CCDC144A: variants seen among roughly 807,000 people sequenced by gnomAD.
The protein encoded by CCDC144A is coiled-coil domain containing 144A, also known as coiled-coil domain-containing protein 144A.
A neutral mutation model predicts 143.8 loss-of-function variants in CCDC144A; 41 were observed. The ratio of observed to expected loss-of-function variants is 0.29; its 90% confidence interval spans 0.22 to 0.37. The LOEUF (loss-of-function observed/expected upper bound fraction) is 0.37. CCDC144A is among the 10% of genes least tolerant of loss of function. CCDC144A has a pLI of 1.00. For synonymous variants in CCDC144A, 242 were observed against 517.9 expected (o/e 0.47, Z 7.23); for missense variants, 637 against 1,488.8 (o/e 0.43, Z 9.41).
chr17:16,690,711 A>G lies in CCDC144A; in HGVS notation c.311A>G (p.Asp104Gly). The G allele has an allele frequency of 6.2e-7, 1 of 1,612,294 alleles. No individual in the cohort carries two copies. Among genetic ancestry groups the G allele is most frequent in the East Asian group, 2.2e-5 (1 of 44,788 alleles). ...GTGGAGCACATCTTAGCTCCTGGAG[A>G]CACTGGCGTGGACAAGAGGGATAGG... is the stretch of plus-strand genomic sequence containing the variant. ...PGVEHILAPG[D>G]TGVDKRDRKK... is the part of the protein sequence containing the mutation. Residue 104 changes from aspartate to glycine, a missense_variant, in exon 1 of 17, where the codon GAC becomes GGC. Transcript: ENST00000399273.
At chr17:16,700,016 A>G (rs1420762684) in intron 2 of CCDC144A, among the ~76,000 whole-genome samples, 1 of 152,198 alleles carries the variant, frequency 6.6e-6, no homozygotes, top group Non-Finnish European at 1.5e-5. Context: ...AAAAAATTGT[A>G]TAATGCAATT....
the CCDC144A span, among the ~76,000 whole-genome samples, chr17:16,667,321 G>A: frequency 7.0e-6 from 1 of 143,492 alleles, no homozygotes; most frequent in African/African-American, 2.7e-5. Context: ...GGGCTGAGGA[G>A]GCTGAGGAGG....
At chr17:16,686,276 C>T (rs778684489), upstream of CCDC144A, among the ~76,000 whole-genome samples, 5 of 151,968 alleles carry the variant, frequency 3.3e-5, no homozygotes, top group Admixed American at 1.3e-4. Context: ...AATTTCCCTC[C>T]CTCCATGCTG....
intron 6 of CCDC144A, among the ~76,000 whole-genome samples, chr17:16,714,100 A>G (rs1296953914): frequency 6.6e-6 from 1 of 151,804 alleles, no homozygotes; most frequent in Non-Finnish European, 1.5e-5. Flanking sequence ...TCAGGATCTC[A>G]CTCACTCACC....
intron 7 of CCDC144A, 58 bp downstream of exon 7, chr17:16,720,289 G>A: frequency 6.6e-7 from 1 of 1,511,284 alleles, no homozygotes; most frequent in Non-Finnish European, 8.8e-7. Context: ...GTTCTAAAAG[G>A]TAAAAATGAA....
In CCDC144A at chr17:16,777,004, G is replaced by A. The variant is rs1387576267; in HGVS notation, c.*3371G>A. 1 of 138,254 alleles carries A rather than the reference G, an allele frequency of 7.2e-6. No individual in the cohort carries two copies. Among genetic ancestry groups the A allele is most frequent in the Non-Finnish European group, 1.5e-5 (1 of 65,126 alleles). The allele number at this position is 138,254 out of a possible 1,614,324, so 8.6% of individuals were successfully genotyped here. ...GACTCACATAAACTTAAGGCAAAGG[G>A]TTGGAAAAAGACACTTCGTCTAAAT... On this transcript the variant is annotated 3_prime_UTR_variant, in exon 17 of 17. Coordinates refer to ENST00000399273, the MANE Select transcript of CCDC144A (RefSeq NM_001382000.1).
At chr17:16,672,095 G>T in the CCDC144A span, among the ~76,000 whole-genome samples, 2 of 152,020 alleles carry the variant, frequency 1.3e-5, no homozygotes, top group South Asian at 4.2e-4. Context: ...GCTTTTAAAA[G>T]AACTTAAGGA....
chr17:16,683,808 T>G, the CCDC144A span: 6 of 1,445,232 alleles, frequency 4.2e-6, no homozygotes, highest in African/African-American at 8.4e-5. Flanking sequence ...AAGCCGAGCG[T>G]GAAGCCGAGC....
At chr17:16,683,952 C>A in the CCDC144A span, 3,824 of 1,205,092 alleles carry the variant, frequency 3.2e-3, 87 homozygotes, top group African/African-American at 0.05. Flanking sequence ...TACTGGGGGC[C>A]GGGCTATCCT....
At chr17:16,728,319 C>T (rs553565984) in intron 9 of CCDC144A, among the ~76,000 whole-genome samples, 5 of 152,346 alleles carry the variant, frequency 3.3e-5, no homozygotes, top group Admixed American at 3.3e-4. Context: ...GTATGACAGA[C>T]ATGAGCCGTC....
chr17:16,686,096 T>G (rs865776121), upstream of CCDC144A, among the ~76,000 whole-genome samples: 205 of 148,308 alleles, frequency 1.4e-3, 1 homozygote, highest in Non-Finnish European at 2.3e-3. Flanking sequence ...TTTTTGTTTT[T>G]TTTTTTTTTT....
intron 8 of CCDC144A, among the ~76,000 whole-genome samples, chr17:16,722,179 C>T (rs1326753100): frequency 6.6e-6 from 1 of 151,914 alleles, no homozygotes; most frequent in Non-Finnish European, 1.5e-5. Context: ...TTATCAAATG[C>T]CTCTATCTAC....
At chr17:16,725,363 A>C (rs1298029894) in intron 8 of CCDC144A, among the ~76,000 whole-genome samples, 1 of 151,732 alleles carries the variant, frequency 6.6e-6, no homozygotes, top group East Asian at 1.9e-4. Flanking sequence ...TAGTCCAGTA[A>C]TTTTTATGAT....
chr17:16,746,136 C>G (rs1331137352), intron 12 of CCDC144A: 8 of 1,576,958 alleles, frequency 5.1e-6, no homozygotes, highest in Non-Finnish European at 6.9e-6. Flanking sequence ...CTGCTTGCCA[C>G]CTCCAGTATC....
intron 4 of CCDC144A, among the ~76,000 whole-genome samples, chr17:16,708,278 T>C (rs1368040107): frequency 6.6e-6 from 1 of 152,144 alleles, no homozygotes; most frequent in East Asian, 1.9e-4. Flanking sequence ...AAGAATTTGC[T>C]TTTCTTTCTG....
At chr17:16,673,720 G>A in the CCDC144A span, among the ~76,000 whole-genome samples, 1 of 151,942 alleles carries the variant, frequency 6.6e-6, no homozygotes, top group East Asian at 1.9e-4. Flanking sequence ...TTATACTATC[G>A]TTTAATCTAT....
At chr17:16,681,200 TA>T in the CCDC144A span, among the ~76,000 whole-genome samples, 1 of 152,068 alleles carries the variant, frequency 6.6e-6, no homozygotes. Flanking sequence ...ATTCCTTAAA[TA>T]AAAGGAATGG....
chr17:16,756,063 G>A (rs977831214), intron 12 of CCDC144A, among the ~76,000 whole-genome samples: 4 of 152,194 alleles, frequency 2.6e-5, no homozygotes, highest in Admixed American at 2.6e-4. Flanking sequence ...TTTGACATTT[G>A]ACTCTGATGT....
At chr17:16,764,355 A>G (rs1464539231) in intron 15 of CCDC144A, 180 bp downstream of exon 15, 1 of 1,390,662 alleles carries the variant, frequency 7.2e-7, no homozygotes, top group East Asian at 2.9e-5. Flanking sequence ...TCTCATTGAT[A>G]AGAGATTACT....
Sources: gnomAD v4.1 joint callset for allele counts (sites outside exome capture counted in the v4.1 genomes callset) on GRCh38, gnomAD v4.1.1 for gene constraint, MANE v1.5 for transcripts, NCBI Gene and HGNC (gene_info 2026-07-23, HGNC 2026-07-21) for gene names.